Variants in PHACTR3 observed in about 807,000 individuals in gnomAD.
The protein encoded by PHACTR3 is protein phosphatase 1, regulatory subunit 123.
A neutral mutation model predicts 66.8 loss-of-function variants in PHACTR3; 16 were observed. The ratio of observed to expected loss-of-function variants is 0.24; its 90% CI spans 0.16 to 0.36. The LOEUF (loss-of-function observed/expected upper bound fraction) is 0.36. PHACTR3 is among the 10% of genes least tolerant of loss of function. PHACTR3 has a pLI of 1.00. For synonymous variants in PHACTR3, 323 were observed against 292.1 expected (o/e 1.11, Z -1.08); for missense variants, 647 against 719.9 (o/e 0.90, Z 1.16).
intron 1 of PHACTR3, among the ~76,000 whole-genome samples, chr20:59,729,474 G>A (rs1312748506): frequency 6.6e-6 from 1 of 152,166 alleles, no homozygotes; most frequent in Admixed American, 6.5e-5. Context: ...GGAGACCAGA[G>A]ACACCTTAGT....
intron 1 of PHACTR3, among the ~76,000 whole-genome samples, chr20:59,657,190 A>G (rs1266977005): frequency 1.3e-5 from 2 of 151,658 alleles, no homozygotes; most frequent in African/African-American, 4.8e-5. Context: ...GCTCCCATAT[A>G]CTTCCTTTGC....
chr20:59,711,939 T>A (rs2037926941), intron 1 of PHACTR3, among the ~76,000 whole-genome samples: 1 of 152,196 alleles, frequency 6.6e-6, no homozygotes, highest in Non-Finnish European at 1.5e-5. Flanking sequence ...AGAGGAAGAT[T>A]TTGTGCTTCT....
chr20:59,827,788 C>T (rs1486662592), intron 8 of PHACTR3, among the ~76,000 whole-genome samples: 1 of 152,164 alleles, frequency 6.6e-6, no homozygotes, highest in Non-Finnish European at 1.5e-5. Flanking sequence ...ACTGTGGGCA[C>T]AAGAGGCATG....
At chr20:59,695,977 C>G (rs530627956) in intron 1 of PHACTR3, among the ~76,000 whole-genome samples, 1 of 152,124 alleles carries the variant, frequency 6.6e-6, no homozygotes, top group Non-Finnish European at 1.5e-5. Flanking sequence ...AAGTGATCCA[C>G]CCACCTCTGC....
intron 1 of PHACTR3, among the ~76,000 whole-genome samples, chr20:59,724,362 C>G (rs1169163205): frequency 1.3e-5 from 2 of 152,132 alleles, no homozygotes; most frequent in Admixed American, 1.3e-4. Flanking sequence ...AGGCTGGGAA[C>G]TGTGATCAAA....
upstream of PHACTR3, among the ~76,000 whole-genome samples, chr20:59,601,164 C>T (rs2033469003): frequency 6.6e-6 from 1 of 152,206 alleles, no homozygotes; most frequent in African/African-American, 2.4e-5. Flanking sequence ...TCCTCGGCGT[C>T]CACAGATCTG....
chr20:59,812,163 CTG>C, intron 8 of PHACTR3, among the ~76,000 whole-genome samples: 1 of 152,330 alleles, frequency 6.6e-6, no homozygotes, highest in Middle Eastern at 3.4e-3. Context: ...CCATTCGTGA[CTG>C]TTGTGTAATT....
At chr20:59,787,276 C>T (rs574397932) in intron 7 of PHACTR3, among the ~76,000 whole-genome samples, 5 of 152,376 alleles carry the variant, frequency 3.3e-5, no homozygotes, top group African/African-American at 1.2e-4. Context: ...CCATCCAGGC[C>T]TGTGATGCAA....
chr20:59,758,807 A>G (rs1222988651), intron 4 of PHACTR3, among the ~76,000 whole-genome samples: 1 of 152,208 alleles, frequency 6.6e-6, no homozygotes, highest in African/African-American at 2.4e-5. Flanking sequence ...CTGTGGGACC[A>G]TGGGCAAGTG....
intron 1 of PHACTR3, among the ~76,000 whole-genome samples, chr20:59,611,504 A>G (rs781074173): frequency 6.6e-6 from 1 of 152,226 alleles, no homozygotes. Flanking sequence ...GGCAGGAGTC[A>G]TGGGACCGTG....
chr20:59,724,519 C>A (rs2038482698), intron 1 of PHACTR3, among the ~76,000 whole-genome samples: 1 of 152,130 alleles, frequency 6.6e-6, no homozygotes, highest in South Asian at 2.1e-4. Flanking sequence ...GAGTTCCATG[C>A]TTTGTAATAC....
rs1600685159 is a variant in PHACTR3, at chr20:59,804,080, CTTTTGG to C, written c.1175-1960_1175-1955del. 2.0e-5 allele frequency among the ~76,000 whole-genome samples: 3 copies of C among 152,288 alleles called. No homozygotes were observed. The East Asian group carries it at 5.8e-4, about 29-fold the overall frequency. On this transcript the variant is annotated intron_variant, in intron 7 of 12. Transcript: ENST00000371015. ...GAAAAGTCCTCATTTTAAGCTATGT[CTTTTGG>C]AAATTTCCTCTTTTGGCTTTTAAGT...
chr20:59,674,985 C>A (rs1364426590), intron 1 of PHACTR3, among the ~76,000 whole-genome samples: 1 of 64,986 alleles, frequency 1.5e-5, no homozygotes, highest in Non-Finnish European at 3.0e-5. Flanking sequence ...TCTGTTCCCC[C>A]CTCTCCTGTT....
intron 1 of PHACTR3, among the ~76,000 whole-genome samples, chr20:59,700,113 G>A (rs1308236220): frequency 2.0e-5 from 3 of 149,078 alleles, no homozygotes; most frequent in Admixed American, 2.0e-4. Flanking sequence ...CACGATATGT[G>A]TGTTTGTCAC....
intron 7 of PHACTR3, among the ~76,000 whole-genome samples, chr20:59,785,643 C>T (rs760487186): frequency 2.6e-4 from 40 of 152,164 alleles, no homozygotes; most frequent in Non-Finnish European, 4.0e-4. Context: ...CCCAGCTCCA[C>T]GCTGACAGGG....
intron 1 of PHACTR3, among the ~76,000 whole-genome samples, chr20:59,663,062 TG>T (rs1156904135): frequency 1.3e-5 from 2 of 152,200 alleles, no homozygotes; most frequent in East Asian, 3.9e-4. Flanking sequence ...CTCTAGCGTC[TG>T]GGGGCTGCAA....
chr20:59,782,755 C>T (rs928063007), intron 7 of PHACTR3, among the ~76,000 whole-genome samples: 31 of 152,174 alleles, frequency 2.0e-4, no homozygotes, highest in African/African-American at 7.0e-4. Flanking sequence ...GGGTCCCTCC[C>T]ACAACACTTG....
chr20:59,836,399 G>A, intron 8 of PHACTR3, 106 bp from the exon 9 acceptor site: 2 of 1,010,828 alleles, frequency 2.0e-6, no homozygotes, highest in Non-Finnish European at 2.8e-6. Flanking sequence ...AATTTTGGGA[G>A]GCGATCTATA....
At chr20:59,828,401 C>T (rs2042254083) in intron 8 of PHACTR3, among the ~76,000 whole-genome samples, 1 of 152,194 alleles carries the variant, frequency 6.6e-6, no homozygotes, top group Admixed American at 6.5e-5. Flanking sequence ...TGCTGTGTCA[C>T]CCAATCCAGC....
Sources: gnomAD v4.1 joint callset for allele counts (sites outside exome capture counted in the v4.1 genomes callset) on GRCh38, gnomAD v4.1.1 for gene constraint, MANE v1.5 for transcripts, NCBI Gene and HGNC (gene_info 2026-07-23, HGNC 2026-07-21) for gene names.